The following PTPRJ variants were observed in gnomAD, a reference collection of about 807,000 sequenced individuals.
PTPRJ encodes receptor-type tyrosine-protein phosphatase eta.
PTPRJ carries 129 observed loss-of-function variants against 141.3 expected under a neutral mutation model. The observed-to-expected ratio is 0.91, with a 90% CI of 0.79 to 1.06. The LOEUF (loss-of-function observed/expected upper bound fraction) is 1.06. PTPRJ is among the 50% of genes least tolerant of loss of function. The pLI is 0.00. For missense variants in PTPRJ, 1,601 were observed against 1,679.7 expected, an observed-to-expected ratio of 0.95 and a Z score of 0.82; for synonymous variants, 610 against 640.5, an observed-to-expected ratio of 0.95 and a Z score of 0.72.
At chr11:48,074,554 C>G (rs1011045694) in intron 1 of PTPRJ, among the ~76,000 whole-genome samples, 13 of 152,212 alleles carry the variant, frequency 8.5e-5, no homozygotes, top group African/African-American at 3.1e-4. Context: ...GGTGTGTAAT[C>G]TTTCTGAGCC....
At chr11:48,118,193 C>A (rs993746501) in intron 3 of PTPRJ, among the ~76,000 whole-genome samples, 1 of 152,216 alleles carries the variant, frequency 6.6e-6, no homozygotes, top group Non-Finnish European at 1.5e-5. Context: ...AATGATCCTT[C>A]TGCCTTAGCC....
At chr11:47,986,904 CT>C (rs890546955) in intron 1 of PTPRJ, among the ~76,000 whole-genome samples, 1 of 152,070 alleles carries the variant, frequency 6.6e-6, no homozygotes, top group African/African-American at 2.4e-5. Flanking sequence ...AGTCACAATA[CT>C]TTTTTTTCCC....
intron 1 of PTPRJ, among the ~76,000 whole-genome samples, chr11:48,100,576 A>G (rs1856125573): frequency 6.6e-6 from 1 of 152,066 alleles, no homozygotes; most frequent in South Asian, 2.1e-4. Flanking sequence ...TATCCCAAGC[A>G]CCCCTTGCCA....
chr11:48,040,782 A>G (rs1166699809), intron 1 of PTPRJ, among the ~76,000 whole-genome samples: 3 of 151,774 alleles, frequency 2.0e-5, no homozygotes, highest in Non-Finnish European at 2.9e-5. Context: ...TTGTAATTTT[A>G]GTAGAGATGG....
chr11:48,151,300 A>G (rs1857474475), intron 18 of PTPRJ, among the ~76,000 whole-genome samples: 1 of 151,812 alleles, frequency 6.6e-6, no homozygotes, highest in Non-Finnish European at 1.5e-5. Context: ...TGTGGCAGCA[A>G]CACTCTGATG....
chr11:47,990,066 T>C (rs1341423056), intron 1 of PTPRJ, among the ~76,000 whole-genome samples: 1 of 152,210 alleles, frequency 6.6e-6, no homozygotes, highest in Non-Finnish European at 1.5e-5. Flanking sequence ...GTATTCCATT[T>C]ACTGAAGAGT....
intron 1 of PTPRJ, among the ~76,000 whole-genome samples, chr11:48,066,255 C>G (rs1855078880): frequency 6.6e-6 from 1 of 152,216 alleles, no homozygotes; most frequent in Non-Finnish European, 1.5e-5. Context: ...TCCTCCAGTG[C>G]TCTGAGATAG....
Position 47,980,851 on chromosome 11 carries a change from G to A in PTPRJ, c.-62G>A. ...CAGGAGGCGGCGACGACGGTGCCCG[G>A]GCTCGGGCGCACGGCGGGGCCCGAT... On this transcript the variant is annotated 5_prime_UTR_variant, in exon 1 of 25. Coordinates refer to ENST00000418331, the MANE Select transcript of PTPRJ (RefSeq NM_002843.4). 1.6e-5 allele frequency: 17 copies of A among 1,074,820 alleles called. No individual in the cohort carries two copies. The highest frequency in any genetic ancestry group is 1.9e-5 in the Non-Finnish European group (17 of 889,818). The allele number at this position is 1,074,820 out of a possible 1,614,324, so 66.6% of individuals were successfully genotyped here. A position where few individuals can be genotyped will look rare whatever the true frequency, so the allele number is the denominator to read the frequency against.
chr11:48,137,258 C>T lies in PTPRJ; in HGVS notation c.2129C>T (p.Pro710Leu). Residue 710 changes from proline to leucine, a missense_variant, in exon 10 of 25, where the codon CCT becomes CTT. By Grantham distance (98) the Pro-to-Leu change is moderately conservative (BLOSUM62 -3). Coordinates refer to ENST00000418331, the MANE Select transcript of PTPRJ (RefSeq NM_002843.4). Reference protein sequence around the residue: ...QVGDGIKSLEPGRKSFCTDPA... With the variant: ...QVGDGIKSLELGRKSFCTDPA... ...GGGGATGGGATCAAGTCACTGGAACCTGGCCGGAAGTCATTCTGTACAGGT... is the reference window on the plus strand; with the variant it reads ...GGGGATGGGATCAAGTCACTGGAACTTGGCCGGAAGTCATTCTGTACAGGT... 2 of 1,614,146 alleles carry T rather than the reference C, an allele frequency of 1.2e-6. No individual in the cohort carries two copies. The highest frequency in any genetic ancestry group is 1.7e-6 in the Non-Finnish European group (2 of 1,180,000).
intron 1 of PTPRJ, among the ~76,000 whole-genome samples, chr11:48,011,009 G>A (rs1370062154): frequency 6.6e-6 from 1 of 152,042 alleles, no homozygotes; most frequent in African/African-American, 2.4e-5. Flanking sequence ...GTGGGGTTTG[G>A]TGAGCAGGGT....
intron 1 of PTPRJ, among the ~76,000 whole-genome samples, chr11:48,043,857 G>A (rs1854327581): frequency 6.6e-6 from 1 of 152,160 alleles, no homozygotes; most frequent in Non-Finnish European, 1.5e-5. Context: ...TGGAGGAAGC[G>A]GGGGTTTAAA....
intron 1 of PTPRJ, among the ~76,000 whole-genome samples, chr11:48,042,405 A>G (rs1339669909): frequency 1.3e-5 from 2 of 152,094 alleles, no homozygotes; most frequent in Non-Finnish European, 2.9e-5. Context: ...GGGCTTTTTC[A>G]TTTTGGGGCA....
intron 1 of PTPRJ, among the ~76,000 whole-genome samples, chr11:48,066,240 ACTC>A (rs1203927064): frequency 6.6e-6 from 1 of 151,924 alleles, no homozygotes; most frequent in Admixed American, 6.6e-5. Context: ...GAGAATCCCC[ACTC>A]CTCCTCCAGT....
intron 1 of PTPRJ, chr11:48,014,347 C>CT (rs1854896495): frequency 6.6e-6 from 1 of 152,158 alleles, no homozygotes; most frequent in Non-Finnish European, 1.5e-5. Flanking sequence ...GTTGGTAACT[C>CT]TTTAAGAGGG....
At chr11:48,029,959 G>T (rs1045905950) in intron 1 of PTPRJ, among the ~76,000 whole-genome samples, 2 of 152,222 alleles carry the variant, frequency 1.3e-5, no homozygotes, top group Non-Finnish European at 2.9e-5. Flanking sequence ...AAAGGCCCCT[G>T]ATGAGTGCCT....
intron 14 of PTPRJ, 141 bp from the exon 15 acceptor site, chr11:48,146,735 C>CTG (rs77393208): frequency 0.04 from 26,438 of 665,082 alleles, 299 homozygotes; most frequent in Non-Finnish European, 0.052. Flanking sequence ...GTGTGTGCGC[C>CTG]TGTGTGTGTG....
At chr11:48,075,913 A>T (rs1855386757) in intron 1 of PTPRJ, among the ~76,000 whole-genome samples, 1 of 152,072 alleles carries the variant, frequency 6.6e-6, no homozygotes, top group African/African-American at 2.4e-5. Flanking sequence ...TCTCTCCTGG[A>T]ACTGGGTGTT....
intron 1 of PTPRJ, among the ~76,000 whole-genome samples, chr11:48,027,476 C>T (rs1853849340): frequency 1.3e-5 from 2 of 151,976 alleles, no homozygotes; most frequent in South Asian, 4.2e-4. Context: ...TGAATCCCCT[C>T]CCTGTTCCCC....
intron 1 of PTPRJ, among the ~76,000 whole-genome samples, chr11:48,041,121 C>G (rs1413095167): frequency 6.6e-6 from 1 of 152,016 alleles, no homozygotes; most frequent in East Asian, 1.9e-4. Flanking sequence ...TCACTGAGCT[C>G]ACTATGCTGG....
Sources: allele counts gnomAD v4.1 joint callset (sites outside exome capture counted in the v4.1 genomes callset), GRCh38; gene constraint gnomAD v4.1.1; transcripts MANE v1.5; gene names NCBI Gene and HGNC (gene_info 2026-07-23, HGNC 2026-07-21).